NEDD4L: variants seen among roughly 807,000 people sequenced by gnomAD.
The protein encoded by NEDD4L is NEDD4 like E3 ubiquitin protein ligase.
NEDD4L carries 54 observed loss-of-function variants against 148.9 expected under a neutral mutation model. That is an observed-to-expected ratio of 0.36 (90% confidence interval 0.29 to 0.45). The LOEUF (loss-of-function observed/expected upper bound fraction) is 0.45, where lower values mean the gene tolerates loss of function less well. NEDD4L is among the 20% of genes least tolerant of loss of function. The pLI, the probability that NEDD4L is intolerant of heterozygous loss-of-function variation, is 1.00. For synonymous variants in NEDD4L, 433 were observed against 440.7 expected (o/e 0.98, Z 0.22); for missense variants, 856 against 1,233.8 (o/e 0.69, Z 4.59).
At chr18:58,089,710 C>A (rs575577208) in intron 1 of NEDD4L, among the ~76,000 whole-genome samples, 1 of 152,276 alleles carries the variant, frequency 6.6e-6, no homozygotes, top group Non-Finnish European at 1.5e-5. Flanking sequence ...TCTTTCCTGG[C>A]AGTTCTACAG....
At chr18:58,047,452 C>T (rs2081639281) in intron 1 of NEDD4L, 2 of 982,658 alleles carry the variant, frequency 2.0e-6, no homozygotes, top group Non-Finnish European at 2.4e-6. Flanking sequence ...GATGCCAAAG[C>T]ACAGGGCTTA....
intron 5 of NEDD4L, among the ~76,000 whole-genome samples, chr18:58,270,534 A>G (rs535682649): frequency 3.3e-5 from 5 of 152,294 alleles, no homozygotes; most frequent in East Asian, 1.9e-4. Flanking sequence ...ATATCTGAAC[A>G]ATTTTTTGAC....
At position 58,215,620 on chromosome 18, in the gene NEDD4L, A is replaced by C. The variant is rs949686650; in HGVS notation, c.123-29807A>C. Among the ~76,000 whole-genome samples the C allele has an allele frequency of 2.0e-5, 3 of 152,202 alleles. 1 individual carries two copies. Among genetic ancestry groups the C allele is most frequent in the Non-Finnish European group, 4.4e-5 (3 of 68,030 alleles). ...TTTTCTTTGTTGACTTGGAAAGCTA[A>C]CAACTACTTACAGCATAATTTCCTT... On this transcript the variant is annotated intron_variant, in intron 2 of 30. Transcript: ENST00000400345.
At chr18:58,199,042 T>G (rs1432163215) in intron 2 of NEDD4L, among the ~76,000 whole-genome samples, 1 of 152,226 alleles carries the variant, frequency 6.6e-6, no homozygotes, top group East Asian at 1.9e-4. Context: ...TCCGCCTGCC[T>G]CGGTCTCCCA....
intron 2 of NEDD4L, among the ~76,000 whole-genome samples, chr18:58,175,725 C>G (rs193196032): frequency 1.2e-4 from 18 of 152,346 alleles, no homozygotes; most frequent in Admixed American, 1.1e-3. Context: ...TCCCACCCCC[C>G]AAACCGAAAT....
At chr18:58,179,250 G>A (rs1326576867) in intron 2 of NEDD4L, among the ~76,000 whole-genome samples, 2 of 152,162 alleles carry the variant, frequency 1.3e-5, no homozygotes, top group Non-Finnish European at 2.9e-5. Context: ...CTTGAAGTGA[G>A]ACTTCACCCA....
intron 2 of NEDD4L, among the ~76,000 whole-genome samples, chr18:58,206,380 C>T (rs557340308): frequency 2.0e-5 from 3 of 152,220 alleles, no homozygotes; most frequent in African/African-American, 7.2e-5. Flanking sequence ...CATAGCGAGA[C>T]TCCATCTCAA....
At chr18:58,212,496 A>G (rs1009289708) in intron 2 of NEDD4L, among the ~76,000 whole-genome samples, 1 of 152,106 alleles carries the variant, frequency 6.6e-6, no homozygotes, top group African/African-American at 2.4e-5. Flanking sequence ...GTAATTCACT[A>G]TCATGAGAAC....
chr18:58,333,923 G>A (rs766350596), intron 12 of NEDD4L, 31 bp downstream of exon 12: 2 of 1,513,226 alleles, frequency 1.3e-6, no homozygotes, highest in African/African-American at 1.4e-5. Flanking sequence ...GTCATCAGTT[G>A]ACTTTTTGGG....
intron 1 of NEDD4L, among the ~76,000 whole-genome samples, chr18:58,053,062 GA>G (rs1302856899): frequency 2.6e-5 from 4 of 152,158 alleles, no homozygotes; most frequent in African/African-American, 9.7e-5. Context: ...CAAACCAAGG[GA>G]ACTGTCCTCT....
intron 24 of NEDD4L, among the ~76,000 whole-genome samples, chr18:58,377,804 C>T (rs976129283): frequency 3.3e-5 from 5 of 152,154 alleles, no homozygotes; most frequent in Non-Finnish European, 7.3e-5. Context: ...AGTGCAGTGG[C>T]AGAATATCGG....
At chr18:58,048,750 C>T (rs2081715262) in intron 1 of NEDD4L, among the ~76,000 whole-genome samples, 2 of 152,124 alleles carry the variant, frequency 1.3e-5, no homozygotes, top group South Asian at 4.1e-4. Context: ...TGGTAAAAAT[C>T]TGGCTTAATT....
In NEDD4L at chr18:58,330,918, A is replaced by G. The variant is rs776842415; in HGVS notation, c.990+4A>G. 3.1e-6 allele frequency: 5 copies of G among 1,612,068 alleles called. No individual in the cohort carries two copies. The East Asian group carries it at 6.7e-5, about 22-fold the overall frequency. On this transcript the variant is annotated splice_donor_region_variant and intron_variant, in intron 11 of 30. Transcript: ENST00000400345. The stretch of plus-strand genomic sequence containing the variant: ...GGAACAGTTCAGCTCTTTGATTGTA[A>G]GTAGTGGCCTTGTTTGAAAGAAAAG...
intron 2 of NEDD4L, among the ~76,000 whole-genome samples, chr18:58,227,367 TGG>T (rs1245972485): frequency 6.6e-6 from 1 of 152,206 alleles, no homozygotes; most frequent in Non-Finnish European, 1.5e-5. Flanking sequence ...GCAGTCTTCC[TGG>T]GGGTGTCCTG....
chr18:58,354,675 A>C (rs1469114170), intron 18 of NEDD4L, among the ~76,000 whole-genome samples: 2 of 152,218 alleles, frequency 1.3e-5, no homozygotes, highest in Non-Finnish European at 2.9e-5. Context: ...GGGGATTGCA[A>C]AGATGAATAA....
intron 1 of NEDD4L, among the ~76,000 whole-genome samples, chr18:58,114,903 C>CT (rs773979348): frequency 7.5e-4 from 115 of 152,370 alleles, no homozygotes; most frequent in Non-Finnish European, 1.3e-3. Context: ...CTCCTTCTGC[C>CT]TCCCTTTGCA....
rs74183251 is a variant in NEDD4L, at chr18:58,386,036, CTTGATTGATTGA to C, written c.2487+473_2487+484del. ...CCTCCCTGGATCACTGCTGCCTGGG[CTTGATTGATTGA>C]TTGATTGATTGATTGATTGATTTTG... is the stretch of plus-strand genomic sequence containing the variant. On this transcript the variant is annotated intron_variant, in intron 26 of 30. Coordinates refer to ENST00000400345, the MANE Select transcript of NEDD4L (RefSeq NM_001144967.3). Among the ~76,000 whole-genome samples, 27 of 150,504 alleles carry C rather than the reference CTTGATTGATTGA, an allele frequency of 1.8e-4. 1 individual carries two copies. The highest frequency in any genetic ancestry group is 9.2e-4 in the Admixed American group (14 of 15,146).
chr18:58,077,694 C>A (rs1374443518), intron 1 of NEDD4L, among the ~76,000 whole-genome samples: 11 of 152,132 alleles, frequency 7.2e-5, no homozygotes. Context: ...GATCTTCTGC[C>A]CCAGGGAGCG....
At chr18:58,293,245 G>A (rs974899512) in intron 5 of NEDD4L, among the ~76,000 whole-genome samples, 7 of 152,184 alleles carry the variant, frequency 4.6e-5, no homozygotes, top group Admixed American at 6.5e-5. Context: ...GGGGATAATT[G>A]TATCCATGGA....
Sources: allele counts gnomAD v4.1 joint callset (sites outside exome capture counted in the v4.1 genomes callset), GRCh38; gene constraint gnomAD v4.1.1; transcripts MANE v1.5; gene names NCBI Gene and HGNC (gene_info 2026-07-23, HGNC 2026-07-21).